Variants in BCAS3 observed in about 807,000 individuals in gnomAD.
The protein encoded by BCAS3 is BCAS4/BCAS3 fusion.
In BCAS3, 53 loss-of-function variants were observed where a neutral mutation model predicts 116.1. The observed-to-expected ratio is 0.46, with a 90% CI of 0.37 to 0.57. The LOEUF is 0.57. Ranked by LOEUF, BCAS3 falls within the 20% of genes least tolerant of loss-of-function variation. The pLI is 0.00. For synonymous variants in BCAS3, 391 were observed against 408.2 expected, an observed-to-expected ratio of 0.96 and a Z score of 0.51; for missense variants, 917 against 1,165.4, an observed-to-expected ratio of 0.79 and a Z score of 3.10.
chr17:61,202,509 T>C (rs2080899065), intron 22 of BCAS3, among the ~76,000 whole-genome samples: 1 of 152,064 alleles, frequency 6.6e-6, no homozygotes, highest in Non-Finnish European at 1.5e-5. Flanking sequence ...TTTTAAAATA[T>C]TACTTATTTA....
rs1199690912 is a variant in BCAS3 at position 61,151,932 on chromosome 17, T to C, written c.2425+67368T>C. Among the ~76,000 whole-genome samples the C allele has an allele frequency of 6.6e-6, 1 of 152,124 alleles. No homozygotes were observed. Among genetic ancestry groups the C allele is most frequent in the Non-Finnish European group, 1.5e-5 (1 of 68,024 alleles). ...AAGTATGGCAAGCACCAGCTCCACA[T>C]AGTGACACAGTACCGGAAGGGCAAG... is the stretch of plus-strand genomic sequence containing the variant. On this transcript the variant is annotated intron_variant, in intron 22 of 23. Transcript: ENST00000407086. The surrounding 1 kb of genome is among the most constrained non-coding windows in gnomAD (Gnocchi z 4.8).
intron 22 of BCAS3, among the ~76,000 whole-genome samples, chr17:61,246,695 AT>A (rs1229202644): frequency 2.6e-5 from 4 of 151,980 alleles, no homozygotes; most frequent in African/African-American, 4.8e-5. Flanking sequence ...CCTTTTCTTT[AT>A]TAAAATGCAA....
intron 14 of BCAS3, among the ~76,000 whole-genome samples, chr17:60,957,167 T>TA (rs1420913229): frequency 6.6e-6 from 1 of 152,204 alleles, no homozygotes; most frequent in African/African-American, 2.4e-5. Context: ...TTTTTGTACT[T>TA]AGCATGCTAA....
Position 61,020,075 on chromosome 17 carries a change from G to A in BCAS3, c.1637+4174G>A, listed in dbSNP as rs1009801310. Among the ~76,000 whole-genome samples, 9 of 152,086 alleles carry A rather than the reference G, an allele frequency of 5.9e-5. No homozygotes were observed. Among genetic ancestry groups the A allele is most frequent in the African/African-American group, 2.2e-4 (9 of 41,402 alleles). On this transcript the variant is annotated intron_variant, in intron 16 of 23. Transcript: ENST00000407086. The surrounding 1 kb of genome is among the most constrained non-coding windows in gnomAD (Gnocchi z 4.5). ...ATAAGCTTCCACTTCATCTATGTCC[G>A]AGGTATTTTGCACATGGTCATAAAA...
intron 22 of BCAS3, among the ~76,000 whole-genome samples, chr17:61,201,653 C>G (rs546896246): frequency 3.9e-5 from 6 of 152,254 alleles, no homozygotes; most frequent in Admixed American, 2.6e-4. Context: ...ACCATGACCC[C>G]CTTCGTGAAG....
chr17:60,962,626 A>G lies in BCAS3; in HGVS notation c.1221+15274A>G, dbSNP rs1159474818. On this transcript the variant is annotated intron_variant, in intron 14 of 23. Coordinates refer to ENST00000407086, the MANE Select transcript of BCAS3 (RefSeq NM_017679.5). This position sits in a 1 kb window ranked among gnomAD's most constrained non-coding sequence, Gnocchi z 4.4. ...CTATTGAGTTACTTGAGCTCTTTAT[A>G]TATTATAGTTATAAATTCTTTGTCA... Among the ~76,000 whole-genome samples the G allele has an allele frequency of 6.6e-6, 1 of 152,122 alleles. No individual in the cohort carries two copies. The highest frequency in any genetic ancestry group is 2.4e-5 in the African/African-American group (1 of 41,442).
chr17:60,947,262 T>G lies in BCAS3; in HGVS notation c.1131T>G (p.His377Gln). 1 of 1,613,112 alleles carries G rather than the reference T, an allele frequency of 6.2e-7. No individual in the cohort carries two copies. The highest frequency in any genetic ancestry group is 8.5e-7 in the Non-Finnish European group (1 of 1,179,132). The change falls in exon 14 of 24, where the codon CAT (histidine) becomes CAG (glutamine). Residue 377 changes from histidine (H) to glutamine (Q), a missense_variant. By Grantham distance (24) the His-to-Gln change is conservative. Coordinates refer to ENST00000407086, the MANE Select transcript of BCAS3 (RefSeq NM_017679.5). ...VTTDTLGHDF[H>Q]VFQILTHPWS... ...CAGACACCCTTGGCCATGACTTTCA[T>G]GTCTTCCAAATTCTGACTCATCCTT... is the stretch of plus-strand genomic sequence containing the variant.
At chr17:60,757,731 G>A (rs548117502) in intron 6 of BCAS3, among the ~76,000 whole-genome samples, 1 of 151,914 alleles carries the variant, frequency 6.6e-6, no homozygotes, top group Non-Finnish European at 1.5e-5. Flanking sequence ...TCTGTTAATT[G>A]TTTCCTTTGC....
At chr17:61,135,925 T>A (rs1392370657) in intron 22 of BCAS3, 1 of 153,492 alleles carries the variant, frequency 6.5e-6, no homozygotes, top group African/African-American at 2.4e-5. Context: ...AATTCTTTCC[T>A]AATGTGGCAT....
At chr17:60,776,213 C>G (rs191449874) in intron 6 of BCAS3, among the ~76,000 whole-genome samples, 2 of 152,182 alleles carry the variant, frequency 1.3e-5, no homozygotes, top group Admixed American at 6.5e-5. Context: ...CAGTTTTGTA[C>G]TTTTAAAGTA....
intron 18 of BCAS3, among the ~76,000 whole-genome samples, chr17:61,038,974 G>A (rs561619153): frequency 2.0e-5 from 3 of 152,082 alleles, no homozygotes; most frequent in African/African-American, 7.2e-5. Flanking sequence ...TTTTTCATTT[G>A]ACATAATTTA....
chr17:60,915,445 G>A (rs2058731466), intron 12 of BCAS3, among the ~76,000 whole-genome samples: 1 of 151,932 alleles, frequency 6.6e-6, no homozygotes, highest in Non-Finnish European at 1.5e-5. Context: ...ATACAGGACT[G>A]TTCTAAACTG....
In BCAS3 at chr17:61,056,066, T is replaced by C. The variant is rs1247876287; in HGVS notation, c.2029+15174T>C. Among the ~76,000 whole-genome samples the C allele has an allele frequency of 6.6e-6, 1 of 152,210 alleles. No individual in the cohort carries two copies. The highest frequency in any genetic ancestry group is 1.5e-5 in the Non-Finnish European group (1 of 68,040). Reference sequence around the variant, plus strand: ...ACCAGGCTGGAAAAGGATTTGACCCTTCCTTGGTCACTGCATTCCAGATTT... The same window carrying C: ...ACCAGGCTGGAAAAGGATTTGACCCCTCCTTGGTCACTGCATTCCAGATTT... On this transcript the variant is annotated intron_variant, in intron 19 of 23. Coordinates refer to ENST00000407086, the MANE Select transcript of BCAS3 (RefSeq NM_017679.5). The surrounding 1 kb of genome is among the most constrained non-coding windows in gnomAD (Gnocchi z 4.9).
Position 60,956,191 on chromosome 17 carries a change from C to T in BCAS3, c.1221+8839C>T, listed in dbSNP as rs965819187. ...TACTTATTATAGTGCACAAAATGTC[C>T]CACATTTGGCCAGTGGGAGCCCAAT... On this transcript the variant is annotated intron_variant, in intron 14 of 23. Transcript: ENST00000407086. This position sits in a 1 kb window ranked among gnomAD's most constrained non-coding sequence, Gnocchi z 4.2. 2.6e-5 allele frequency among the ~76,000 whole-genome samples: 4 copies of T among 152,074 alleles called. No individual in the cohort carries two copies. Among genetic ancestry groups the T allele is most frequent in the Non-Finnish European group, 4.4e-5 (3 of 68,008 alleles).
chr17:61,138,025 C>A (rs1331555941), intron 22 of BCAS3, among the ~76,000 whole-genome samples: 1 of 152,090 alleles, frequency 6.6e-6, no homozygotes, highest in Non-Finnish European at 1.5e-5. Context: ...CTTAGGGCAT[C>A]AGTTCTCATC....
At chr17:61,055,704 A>C (rs1011987692) in intron 19 of BCAS3, among the ~76,000 whole-genome samples, 5 of 152,126 alleles carry the variant, frequency 3.3e-5, no homozygotes, top group Admixed American at 2.6e-4. Flanking sequence ...TTACTCTTCT[A>C]ATTTTTTTTT....
intron 19 of BCAS3, chr17:61,069,873 G>A: frequency 2.0e-6 from 2 of 994,222 alleles, no homozygotes; most frequent in Non-Finnish European, 3.1e-6. Flanking sequence ...TTCACAAGAT[G>A]GCGCCGAAAG....
intron 4 of BCAS3, among the ~76,000 whole-genome samples, chr17:60,691,200 T>C (rs2034776141): frequency 1.3e-5 from 2 of 152,272 alleles, no homozygotes; most frequent in South Asian, 2.1e-4. Flanking sequence ...CCCAAAGTGC[T>C]GGGATTACAG....
At chr17:61,006,770 AC>A (rs909464887) in intron 15 of BCAS3, among the ~76,000 whole-genome samples, 13 of 152,038 alleles carry the variant, frequency 8.6e-5, no homozygotes, top group African/African-American at 2.9e-4. Flanking sequence ...TTAATATGAT[AC>A]ATTTAGAAAT....
Sources: allele counts gnomAD v4.1 joint callset (sites outside exome capture counted in the v4.1 genomes callset), GRCh38; gene constraint gnomAD v4.1.1; non-coding constraint Gnocchi (gnomAD v3.1); transcripts MANE v1.5; gene names NCBI Gene and HGNC (gene_info 2026-07-23, HGNC 2026-07-21).